CNNM3: variants seen among roughly 807,000 people sequenced by gnomAD.
CNNM3 encodes cyclin and CBS domain divalent metal cation transport mediator 3, also known as metal transporter CNNM3.
In CNNM3, 47 loss-of-function variants were observed where a neutral mutation model predicts 57.1. The observed-to-expected ratio is 0.82, with a 90% CI of 0.65 to 1.05. The LOEUF is 1.05. Ranked by LOEUF, CNNM3 falls within the 50% of genes least tolerant of loss-of-function variation. The pLI is 0.00. For synonymous variants in CNNM3, 507 were observed against 478.2 expected, an observed-to-expected ratio of 1.06 and a Z score of -0.79; for missense variants, 957 against 973.7, an observed-to-expected ratio of 0.98 and a Z score of 0.23.
rs1471944730 is a variant in CNNM3 at position 96,833,387 on chromosome 2, A to G, written c.*771A>G. ...TCATGCCTGGGAGGAAGGGATCGTC[A>G]TGCTGCATCGAATCCTCTCTCCGCC... On this transcript the variant is annotated 3_prime_UTR_variant, in exon 8 of 8. Transcript: ENST00000305510. The G allele has an allele frequency of 8.6e-6, 2 of 232,980 alleles. No individual in the cohort carries two copies. The highest frequency in any genetic ancestry group is 4.7e-5 in the African/African-American group (2 of 42,918). The allele number at this position is 232,980 out of a possible 1,614,324, so 14.4% of individuals were successfully genotyped here. A position where few individuals can be genotyped will look rare whatever the true frequency, so the allele number is the denominator to read the frequency against.
chr2:96,816,409 G>A lies in CNNM3; in HGVS notation c.132G>A (p.Ala44=), dbSNP rs2079317038. ...TCTGCCTGGAGGAGGATGGAGCGGC[G>A]GGCGCGGGTTGGGTACGCGGAGGGG... ...LGFCLEEDGA[A]GAGWVRGGAA... is the part of the protein sequence containing the mutation. Residue 44 remains alanine, a synonymous_variant, in exon 1 of 8, where the codon GCG becomes GCA. Coordinates refer to ENST00000305510, the MANE Select transcript of CNNM3 (RefSeq NM_017623.5). The A allele has an allele frequency of 5.8e-6, 8 of 1,373,894 alleles. No individual in the cohort carries two copies. The highest frequency in any genetic ancestry group is 3.0e-5 in the African/African-American group (2 of 65,822). The allele number at this position is 1,373,894 out of a possible 1,614,324, so 85.1% of individuals were successfully genotyped here.
Position 96,834,330 on chromosome 2 carries a change from T to TTTATTATTATTA in CNNM3, c.*1735_*1746dup, listed in dbSNP as rs59161358. ...ATCAGAGTTTTCAATTTTTTATTTA[T>TTTATTATTATTA]TTATTATTATTATTATTATTATTAT... On this transcript the variant is annotated 3_prime_UTR_variant, in exon 8 of 8. Transcript: ENST00000305510. 2.0e-4 allele frequency among the ~76,000 whole-genome samples: 29 copies of TTTATTATTATTA among 146,470 alleles called. No individual in the cohort carries two copies. The highest frequency in any genetic ancestry group is 7.2e-4 in the African/African-American group (28 of 39,052).
In CNNM3 at chr2:96,828,544, A is replaced by T. The variant is rs149028425; in HGVS notation, c.1787-23A>T. On this transcript the variant is annotated intron_variant, in intron 5 of 7. Transcript: ENST00000305510. Reference sequence around the variant, plus strand: ...CCCAGCTGCCAGCATGGCTCCTGCCATCACTGATTGTTCCTTTGATAGTTC... The same window carrying T: ...CCCAGCTGCCAGCATGGCTCCTGCCTTCACTGATTGTTCCTTTGATAGTTC... 992 of 1,614,028 alleles carry T rather than the reference A, an allele frequency of 6.1e-4. 10 individuals are homozygous for T. In the East Asian group the frequency reaches 0.02, roughly 32 times the overall value.
intron 7 of CNNM3, chr2:96,831,833 C>A: frequency 3.9e-6 from 1 of 255,818 alleles, no homozygotes; most frequent in Non-Finnish European, 6.1e-6. Context: ...GCAGCACCAG[C>A]ACTGCAGCTG....
At chr2:96,821,812 A>G (rs569826074) in intron 1 of CNNM3, among the ~76,000 whole-genome samples, 4 of 152,336 alleles carry the variant, frequency 2.6e-5, no homozygotes, top group East Asian at 1.9e-4. Context: ...ATTTTAAAAT[A>G]AAGTGTTGAA....
Position 96,816,427 on chromosome 2 carries a change from C to A in CNNM3, c.150C>A (p.Arg50=). 7.2e-7 allele frequency: 1 copy of A among 1,385,654 alleles called. No individual in the cohort carries two copies. The highest frequency in any genetic ancestry group is 9.3e-7 in the Non-Finnish European group (1 of 1,072,370). 85.8% of individuals were successfully genotyped at this position (1,385,654 alleles called of 1,614,324 possible). Residue 50 remains arginine (R), a synonymous_variant, in exon 1 of 8, where the codon CGC becomes CGA. Transcript: ENST00000305510. ...EDGAAGAGWV[R]GGAARDTPDA... ...GAGCGGCGGGCGCGGGTTGGGTACG[C>A]GGAGGGGCGGCGCGGGACACGCCGG... is the stretch of plus-strand genomic sequence containing the variant.
rs774307527 is a variant in CNNM3, at chr2:96,817,480, T to C, written c.1203T>C (p.Ala401=). The C allele has an allele frequency of 1.9e-6, 3 of 1,613,256 alleles. No homozygotes were observed. Among genetic ancestry groups the C allele is most frequent in the South Asian group, 2.2e-5 (2 of 91,050 alleles). ...HFVFNDTKLD[A]VLEEFKRGKS... ...TCTTCAACGACACCAAGCTGGACGC[T>C]GTCCTGGAGGAATTCAAGCGAGGTA... is the stretch of plus-strand genomic sequence containing the variant. Residue 401 remains alanine (A), a synonymous_variant, in exon 1 of 8, where the codon GCT becomes GCC. Transcript: ENST00000305510.
intron 1 of CNNM3, among the ~76,000 whole-genome samples, chr2:96,821,752 A>G (rs2079409953): frequency 6.6e-6 from 1 of 152,234 alleles, no homozygotes; most frequent in African/African-American, 2.4e-5. Context: ...AAACATGCTC[A>G]GAACACTTAC....
At chr2:96,832,389 A>G (rs956378022) in intron 7 of CNNM3, 163 bp from the exon 8 acceptor site, 2 of 1,497,574 alleles carry the variant, frequency 1.3e-6, no homozygotes, top group Non-Finnish European at 1.8e-6. Context: ...TTGGCTGACC[A>G]TCTGCTAACC....
chr2:96,819,564 T>G (rs2079376839), intron 1 of CNNM3, among the ~76,000 whole-genome samples: 1 of 152,200 alleles, frequency 6.6e-6, no homozygotes, highest in African/African-American at 2.4e-5. Context: ...GAATCTGGAA[T>G]TGCAGATTTC....
chr2:96,822,151 C>T (rs187904430), intron 1 of CNNM3, among the ~76,000 whole-genome samples: 1 of 151,778 alleles, frequency 6.6e-6, no homozygotes, highest in Non-Finnish European at 1.5e-5. Context: ...TACAGGCGTG[C>T]ACCACCACGC....
Position 96,816,780 on chromosome 2 carries a change from T to C in CNNM3, c.503T>C (p.Val168Ala). The C allele has an allele frequency of 1.1e-5, 11 of 1,021,144 alleles. No homozygotes were observed. Among genetic ancestry groups the C allele is most frequent in the Non-Finnish European group, 1.3e-5 (11 of 856,080 alleles). 63.3% of individuals were successfully genotyped at this position (1,021,144 alleles called of 1,614,324 possible). ...GCGCTGGCGCCTGCCGAGGTGCAGGTGCTGCGCGAGAGCGGCTCGGAGGCG... is the reference window on the plus strand; with the variant it reads ...GCGCTGGCGCCTGCCGAGGTGCAGGCGCTGCGCGAGAGCGGCTCGGAGGCG... ...ALALAPAEVQ[V>A]LRESGSEAER... is the part of the protein sequence containing the mutation. Residue 168 changes from valine to alanine, a missense_variant, in exon 1 of 8, where the codon GTG becomes GCG. Transcript: ENST00000305510.
chr2:96,819,156 G>A (rs1371569696), intron 1 of CNNM3, among the ~76,000 whole-genome samples: 1 of 152,160 alleles, frequency 6.6e-6, no homozygotes, highest in Non-Finnish European at 1.5e-5. Flanking sequence ...CCTAGAACAT[G>A]GCCATGCCAC....
Position 96,832,961 on chromosome 2 carries a change from T to A in CNNM3, c.*345T>A. The stretch of plus-strand genomic sequence containing the variant: ...CGGCATATTCAGATTCAGACCTCTT[T>A]GGGCTGAGCCACCTTGTGAGTGCAG... On this transcript the variant is annotated 3_prime_UTR_variant, in exon 8 of 8. Transcript: ENST00000305510. The A allele has an allele frequency of 1.5e-6, 2 of 1,367,514 alleles. No individual in the cohort carries two copies. Among genetic ancestry groups the A allele is most frequent in the Non-Finnish European group, 1.9e-6 (2 of 1,039,388 alleles). 84.7% of individuals were successfully genotyped at this position (1,367,514 alleles called of 1,614,324 possible).
intron 1 of CNNM3, among the ~76,000 whole-genome samples, chr2:96,820,961 A>G (rs1333897452): frequency 6.6e-6 from 1 of 152,212 alleles, no homozygotes; most frequent in East Asian, 1.9e-4. Context: ...GCAGGTCACA[A>G]GCAGCCCGAT....
chr2:96,836,706 T>C (rs1432959253), downstream of CNNM3: 1 of 152,220 alleles, frequency 6.6e-6, no homozygotes, highest in Non-Finnish European at 1.5e-5. Flanking sequence ...AACAGGGTTT[T>C]ATACAGAGCA....
intron 1 of CNNM3, chr2:96,824,823 G>T (rs1238123311): frequency 1.8e-6 from 1 of 541,858 alleles, no homozygotes; most frequent in Non-Finnish European, 3.3e-6. Context: ...GGGGGGCCTT[G>T]TGCAGATGGG....
Position 96,826,011 on chromosome 2 carries a change from G to A in CNNM3, c.1369+810G>A, listed in dbSNP as rs115181424. Among the ~76,000 whole-genome samples the A allele has an allele frequency of 6.7e-3, 1,018 of 152,278 alleles. 11 individuals carry two copies. Among genetic ancestry groups the A allele is most frequent in the African/African-American group, 0.023 (939 of 41,532 alleles). ...TGTACAGAGTCTGTGCGTCATGGCC[G>A]GGCCGCCTGCCCTGCATGCTTCCAG... On this transcript the variant is annotated intron_variant, in intron 2 of 7. Transcript: ENST00000305510.
In CNNM3 at chr2:96,816,695, G is replaced by C; in HGVS notation, c.418G>C (p.Gly140Arg). Residue 140 changes from glycine (G) to arginine (R), a missense_variant, in exon 1 of 8, where the codon GGG becomes CGG. Transcript: ENST00000305510. ...EAAPPWALGL[G>R]AAGLLALAAL... ...GGCGCCGCCCTGGGCTCTGGGCCTGGGGGCGGCCGGGCTGCTGGCGCTGGC... is the reference window on the plus strand; with the variant it reads ...GGCGCCGCCCTGGGCTCTGGGCCTGCGGGCGGCCGGGCTGCTGGCGCTGGC... 1 of 1,015,138 alleles carries C rather than the reference G, an allele frequency of 9.9e-7. No homozygotes were observed. The highest frequency in any genetic ancestry group is 1.2e-6 in the Non-Finnish European group (1 of 851,444). 62.9% of individuals were successfully genotyped at this position (1,015,138 alleles called of 1,614,324 possible). A position where few individuals can be genotyped will look rare whatever the true frequency, so the allele number is the denominator to read the frequency against.
Sources: allele counts gnomAD v4.1 joint callset (sites outside exome capture counted in the v4.1 genomes callset), GRCh38; gene constraint gnomAD v4.1.1; transcripts MANE v1.5; gene names NCBI Gene and HGNC (gene_info 2026-07-23, HGNC 2026-07-21).